PRKG1: variants seen among roughly 807,000 people sequenced by gnomAD.
PRKG1 encodes cGMP-dependent protein kinase 1.
Under a neutral mutation model 88.1 loss-of-function variants are expected in PRKG1, and 35 were observed. That is an observed-to-expected ratio of 0.40 (90% CI 0.30 to 0.53). The LOEUF is 0.53. Among genes scored for constraint, PRKG1 ranks in the 20% least tolerant of loss-of-function variants. The pLI, the probability that PRKG1 is intolerant of heterozygous loss-of-function variation, is 0.59. For missense variants in PRKG1, 540 were observed against 839.8 expected (o/e 0.64, Z 4.41); for synonymous variants, 303 against 292.5 (o/e 1.04, Z -0.37).
chr10:51,515,652 G>C (rs947424435), intron 3 of PRKG1, among the ~76,000 whole-genome samples: 1 of 151,896 alleles, frequency 6.6e-6, no homozygotes, highest in Non-Finnish European at 1.5e-5. Context: ...GCCATTTTTC[G>C]TCACAGTCTT....
intron 7 of PRKG1, among the ~76,000 whole-genome samples, chr10:52,070,926 T>A (rs954527575): frequency 7.9e-5 from 12 of 152,170 alleles, no homozygotes; most frequent in African/African-American, 2.9e-4. Context: ...AAATGTGTGA[T>A]CTTGTTGATG....
chr10:51,396,939 T>C (rs1272779621), intron 2 of PRKG1, among the ~76,000 whole-genome samples: 1 of 152,100 alleles, frequency 6.6e-6, no homozygotes, highest in Non-Finnish European at 1.5e-5. Flanking sequence ...ATTTTAAAAA[T>C]CACTACAAAA....
chr10:51,946,979 T>C (rs1843054676), intron 5 of PRKG1, among the ~76,000 whole-genome samples: 2 of 152,078 alleles, frequency 1.3e-5, no homozygotes, highest in South Asian at 4.1e-4. Context: ...GGAGAACCAC[T>C]GCTCTCTTCA....
At chr10:51,512,179 T>TG (rs1564529407) in intron 3 of PRKG1, among the ~76,000 whole-genome samples, 1 of 150,210 alleles carries the variant, frequency 6.7e-6, no homozygotes, top group African/African-American at 2.5e-5. Flanking sequence ...TAATTAATTT[T>TG]TTTTTTTTTT....
At chr10:51,111,066 G>A (rs988096283) in intron 1 of PRKG1, among the ~76,000 whole-genome samples, 1 of 152,074 alleles carries the variant, frequency 6.6e-6, no homozygotes, top group African/African-American at 2.4e-5. Context: ...TTCTTTGGGG[G>A]AATCCTGAAT....
chr10:51,922,201 T>G (rs551867935), intron 5 of PRKG1, among the ~76,000 whole-genome samples: 2 of 151,812 alleles, frequency 1.3e-5, no homozygotes, highest in South Asian at 4.1e-4. Context: ...GTTTATAATT[T>G]TTTTTTATTT....
chr10:52,195,802 T>C (rs1032823698), intron 9 of PRKG1, among the ~76,000 whole-genome samples: 3 of 152,160 alleles, frequency 2.0e-5, no homozygotes, highest in Non-Finnish European at 4.4e-5. Flanking sequence ...ATTTATGGAT[T>C]AATTATCCTA....
intron 5 of PRKG1, among the ~76,000 whole-genome samples, chr10:51,994,606 A>G (rs1844390939): frequency 6.6e-6 from 1 of 152,134 alleles, no homozygotes. Flanking sequence ...AGAAAGACTG[A>G]GATGTCCTTA....
Position 52,062,620 on chromosome 10 carries a change from A to T in PRKG1, c.924A>T (p.Lys308Asn). The change falls in exon 7 of 18, where the codon AAA becomes AAT. Residue 308 changes from lysine to asparagine, a missense_variant. Around this residue, in one of 5 missense-constraint regions of PRKG1, gnomAD observed 400 missense variants for 562.7 expected, o/e 0.71. Coordinates refer to ENST00000373980, the MANE Select transcript of PRKG1 (RefSeq NM_006258.4). The stretch of plus-strand genomic sequence containing the variant: ...GAAAAGGAGACTGGTTTGGAGAGAA[A>T]GCCTTGCAGGGGTAAGTAGATCATG... ...TLGKGDWFGE[K>N]ALQGEDVRTA... 6.2e-7 allele frequency: 1 copy of T among 1,602,728 alleles called. No homozygotes were observed. Among genetic ancestry groups the T allele is most frequent in the Non-Finnish European group, 8.5e-7 (1 of 1,173,344 alleles).
chr10:51,553,867 T>G (rs1837212153), intron 3 of PRKG1, among the ~76,000 whole-genome samples: 1 of 115,212 alleles, frequency 8.7e-6, no homozygotes, highest in South Asian at 3.2e-4. Context: ...ATATAATATA[T>G]GTATGTATTA....
chr10:51,299,699 G>A, intron 2 of PRKG1: 1 of 442,890 alleles, frequency 2.3e-6, no homozygotes, highest in East Asian at 7.9e-5. Flanking sequence ...ACAGCCACAG[G>A]TATATTGCTC....
At chr10:51,319,063 C>T (rs1247048527) in intron 2 of PRKG1, among the ~76,000 whole-genome samples, 2 of 152,170 alleles carry the variant, frequency 1.3e-5, no homozygotes, top group African/African-American at 2.4e-5. Context: ...TTAAAATATA[C>T]AGTCTCAAAT....
intron 3 of PRKG1, among the ~76,000 whole-genome samples, chr10:51,500,182 T>C (rs1840980598): frequency 6.6e-6 from 1 of 152,246 alleles, no homozygotes; most frequent in African/African-American, 2.4e-5. Context: ...CTTGACTTCA[T>C]GTCAGAAATT....
chr10:51,014,587 C>T lies in PRKG1; in HGVS notation c.266+22943C>T, dbSNP rs114868908. ...ACTCCTTATCCGTGATGAAGCTGCA[C>T]GTGCAGGTATCACAGGTCACTTTGG... On this transcript the variant is annotated intron_variant, in intron 1 of 17. Coordinates refer to the PRKG1 transcript ENST00000401604. 2.2e-3 allele frequency among the ~76,000 whole-genome samples: 341 copies of T among 152,156 alleles called. 1 individual carries two copies. Among genetic ancestry groups the T allele is most frequent in the African/African-American group, 7.9e-3 (328 of 41,514 alleles).
rs1839587801 is a variant in PRKG1, at chr10:52,199,055, A to G, written c.1076+37092A>G. Among the ~76,000 whole-genome samples, 4 of 150,656 alleles carry G rather than the reference A, an allele frequency of 2.7e-5. No individual in the cohort carries two copies. In the South Asian group the frequency reaches 6.4e-4, roughly 24 times the overall value. ...TTGAACACACCCAAGATGACATTTG[A>G]TGAAGGATGAGATTGGATTCCAACC... On this transcript the variant is annotated intron_variant, in intron 9 of 17. Transcript: ENST00000373980.
chr10:51,101,347 A>C (rs1012358237), intron 1 of PRKG1, among the ~76,000 whole-genome samples: 1 of 152,068 alleles, frequency 6.6e-6, no homozygotes, highest in Non-Finnish European at 1.5e-5. Flanking sequence ...TTCACCAGAA[A>C]CCCAATTGGC....
chr10:51,731,596 T>C (rs934975630), intron 3 of PRKG1, among the ~76,000 whole-genome samples: 9 of 152,300 alleles, frequency 5.9e-5, no homozygotes, highest in East Asian at 1.9e-4. Flanking sequence ...GAGAAAATAA[T>C]TAATATACAA....
At chr10:51,923,187 GT>G (rs1053656253) in intron 5 of PRKG1, among the ~76,000 whole-genome samples, 6 of 151,564 alleles carry the variant, frequency 4.0e-5, no homozygotes, top group Non-Finnish European at 8.9e-5. Context: ...TGTGAAGTTT[GT>G]TTTTTTGGAA....
At chr10:51,886,730 G>A (rs1274980443) in intron 4 of PRKG1, among the ~76,000 whole-genome samples, 1 of 152,004 alleles carries the variant, frequency 6.6e-6, no homozygotes, top group African/African-American at 2.4e-5. Context: ...TTCTTTTTTA[G>A]GGCTGAAATA....
Sources: allele counts gnomAD v4.1 joint callset (sites outside exome capture counted in the v4.1 genomes callset), GRCh38; gene constraint gnomAD v4.1.1; regional missense constraint gnomAD v4.1.1; transcripts MANE v1.5; gene names NCBI Gene and HGNC (gene_info 2026-07-23, HGNC 2026-07-21).